The following EZH2 variants were observed in gnomAD, a reference collection of about 807,000 sequenced individuals.
The protein encoded by EZH2 is enhancer of zeste 2 polycomb repressive complex 2 subunit.
A neutral mutation model predicts 98.4 loss-of-function variants in EZH2; 18 were observed. That is an observed-to-expected ratio of 0.18 (90% CI 0.13 to 0.27). The LOEUF (loss-of-function observed/expected upper bound fraction) is 0.27, where lower values mean the gene tolerates loss of function less well. Among genes scored for constraint, EZH2 ranks in the 10% least tolerant of loss-of-function variants. The pLI, the probability that EZH2 is intolerant of heterozygous loss-of-function variation, is 1.00. For missense variants in EZH2, 470 were observed against 935.1 expected, an observed-to-expected ratio of 0.50 and a Z score of 6.49; for synonymous variants, 338 against 312.3, an observed-to-expected ratio of 1.08 and a Z score of -0.87.
At chr7:148,856,405 G>T (rs1455955138) in intron 1 of EZH2, among the ~76,000 whole-genome samples, 1 of 152,150 alleles carries the variant, frequency 6.6e-6, no homozygotes, top group Admixed American at 6.6e-5. Flanking sequence ...AAATATATGC[G>T]GATAGATACA....
intron 1 of EZH2, among the ~76,000 whole-genome samples, chr7:148,859,812 C>T (rs769006590): frequency 1.3e-5 from 2 of 152,114 alleles, no homozygotes; most frequent in Non-Finnish European, 2.9e-5. Context: ...CTCAGTATAT[C>T]CGCAACGCCT....
At chr7:148,850,714 C>A (rs1370772281) in intron 1 of EZH2, among the ~76,000 whole-genome samples, 2 of 152,138 alleles carry the variant, frequency 1.3e-5, no homozygotes, top group Non-Finnish European at 2.9e-5. Flanking sequence ...CCTGTGTGTG[C>A]CTGATAATTG....
At chr7:148,862,318 G>A (rs986905405) in intron 1 of EZH2, among the ~76,000 whole-genome samples, 9 of 152,176 alleles carry the variant, frequency 5.9e-5, no homozygotes, top group Admixed American at 4.6e-4. Flanking sequence ...GAGTTACGCA[G>A]ATTTTCCAGA....
chr7:148,843,594 T>TG (rs1192944789), intron 3 of EZH2, among the ~76,000 whole-genome samples: 1 of 108,924 alleles, frequency 9.2e-6, no homozygotes, highest in Non-Finnish European at 1.9e-5. Flanking sequence ...TTTTTTTTTT[T>TG]TTTTTTTTTT....
At chr7:148,857,634 C>T (rs1346516188) in intron 1 of EZH2, among the ~76,000 whole-genome samples, 2 of 152,064 alleles carry the variant, frequency 1.3e-5, no homozygotes, top group Admixed American at 1.3e-4. Context: ...ACCTGTAATC[C>T]CAGCTACTTG....
chr7:148,835,423 C>CA (rs545080861), intron 3 of EZH2, among the ~76,000 whole-genome samples: 2,053 of 71,296 alleles, frequency 0.029, 18 homozygotes, highest in Middle Eastern at 0.073. Flanking sequence ...GACCCCGCCT[C>CA]AAAAAAAAAA....
rs199881712 is a variant in EZH2 at position 148,811,093 on chromosome 7, T to TA, written c.1947+531dup. ...AAGCTCTTGTTCTCCCTGTTGTCCC[T>TA]AGACGAGAAAAACTAAATGTGGCTA... On this transcript the variant is annotated intron_variant, in intron 16 of 19. Coordinates refer to ENST00000320356, the MANE Select transcript of EZH2 (RefSeq NM_004456.5). Among the ~76,000 whole-genome samples, 542 of 152,286 alleles carry TA rather than the reference T, an allele frequency of 3.6e-3. 2 individuals carry two copies. Among genetic ancestry groups the TA allele is most frequent in the African/African-American group, 0.012 (510 of 41,550 alleles).
intron 1 of EZH2, among the ~76,000 whole-genome samples, chr7:148,852,011 T>G (rs924081035): frequency 6.6e-6 from 1 of 152,260 alleles, no homozygotes; most frequent in Non-Finnish European, 1.5e-5. Context: ...GTTTCATAGG[T>G]GAAATCCCAC....
At chr7:148,864,816 G>A (rs1585253948) in intron 1 of EZH2, among the ~76,000 whole-genome samples, 1 of 152,028 alleles carries the variant, frequency 6.6e-6, no homozygotes, top group African/African-American at 2.4e-5. Context: ...CACTGTTGGA[G>A]GAAAAACGGA....
At chr7:148,831,224 A>C (rs1311443174) in intron 4 of EZH2, among the ~76,000 whole-genome samples, 1 of 152,200 alleles carries the variant, frequency 6.6e-6, no homozygotes, top group African/African-American at 2.4e-5. Context: ...CAGACAAGGA[A>C]AAGAAAAAGT....
At chr7:148,829,998 C>T (rs1808886858) in intron 4 of EZH2, 150 bp from the exon 5 acceptor site, 2 of 512,866 alleles carry the variant, frequency 3.9e-6, no homozygotes, top group South Asian at 4.0e-5. Flanking sequence ...TAAAATTTAT[C>T]AAAAAATAAA....
chr7:148,859,361 C>A (rs1817329472), intron 1 of EZH2, among the ~76,000 whole-genome samples: 1 of 152,030 alleles, frequency 6.6e-6, no homozygotes, highest in Non-Finnish European at 1.5e-5. Flanking sequence ...CAAAAATTAG[C>A]CAGGAGTGGT....
intron 1 of EZH2, among the ~76,000 whole-genome samples, chr7:148,860,972 C>T (rs1817579957): frequency 6.6e-6 from 1 of 152,114 alleles, no homozygotes; most frequent in African/African-American, 2.4e-5. Flanking sequence ...TACACCTGGC[C>T]TGTTTTTTAT....
At chr7:148,808,974 C>G in intron 19 of EZH2, 97 bp downstream of exon 19, 3 of 950,618 alleles carry the variant, frequency 3.2e-6, no homozygotes, top group Non-Finnish European at 4.9e-6. Context: ...AGTGACCCAT[C>G]AAAAGAAGCA....
At chr7:148,815,463 G>GAA in intron 13 of EZH2, 43 bp downstream of exon 13, 2 of 1,571,252 alleles carry the variant, frequency 1.3e-6, no homozygotes, top group South Asian at 2.2e-5. Flanking sequence ...AAACAAAGCA[G>GAA]ATATTGTTAA....
Position 148,807,718 on chromosome 7 carries a change from G to C in EZH2, c.2196-12C>G, listed in dbSNP as rs771968610. On this transcript the variant is annotated splice_polypyrimidine_tract_variant and intron_variant, in intron 19 of 19. Coordinates refer to ENST00000320356, the MANE Select transcript of EZH2 (RefSeq NM_004456.5). ...CAGCCTGGCTGTATCTGAAACAACA[G>C]GAAGGAGATGTCCGCTGGATGGCCA... The C allele has an allele frequency of 8.2e-6, 13 of 1,581,220 alleles. No homozygotes were observed. The Admixed American group carries it at 2.3e-4, about 28-fold the overall frequency.
chr7:148,830,946 T>C (rs1809217489), intron 4 of EZH2, among the ~76,000 whole-genome samples: 1 of 152,214 alleles, frequency 6.6e-6, no homozygotes, highest in African/African-American at 2.4e-5. Flanking sequence ...GAAAAGAGTA[T>C]TGGTTGAAAA....
intron 1 of EZH2, among the ~76,000 whole-genome samples, chr7:148,881,982 A>G (rs202213942): frequency 3.3e-5 from 5 of 149,264 alleles, no homozygotes; most frequent in Non-Finnish European, 7.5e-5. Flanking sequence ...GCACACACAC[A>G]CACACACACA....
intron 3 of EZH2, among the ~76,000 whole-genome samples, chr7:148,834,220 T>C (rs537058993): frequency 1.3e-5 from 2 of 152,232 alleles, no homozygotes; most frequent in Non-Finnish European, 2.9e-5. Flanking sequence ...AGAGTACTAC[T>C]GCCCAGGTGT....
Sources: gnomAD v4.1 joint callset for allele counts (sites outside exome capture counted in the v4.1 genomes callset) on GRCh38, gnomAD v4.1.1 for gene constraint, MANE v1.5 for transcripts, NCBI Gene and HGNC (gene_info 2026-07-23, HGNC 2026-07-21) for gene names.